The following TENM3 variants were observed in gnomAD, a reference collection of about 807,000 sequenced individuals.
The protein encoded by TENM3 is teneurin transmembrane protein 3, also known as teneurin-3.
TENM3 carries 63 observed loss-of-function variants against 255.1 expected under a neutral mutation model. The observed-to-expected ratio is 0.25, with a 90% CI of 0.20 to 0.30. The LOEUF (loss-of-function observed/expected upper bound fraction) is 0.30. TENM3 is among the 10% of genes least tolerant of loss of function. TENM3 has a pLI of 1.00. For missense variants in TENM3, 2,929 were observed against 3,461.1 expected (o/e 0.85, Z 3.86); for synonymous variants, 1,306 against 1,322.3 (o/e 0.99, Z 0.27).
the TENM3 span, among the ~76,000 whole-genome samples, chr4:181,860,229 C>G: frequency 6.6e-6 from 1 of 152,178 alleles, no homozygotes; most frequent in African/African-American, 2.4e-5. Flanking sequence ...AACTACAATG[C>G]ATTGTTTAAA....
At position 182,789,317 on chromosome 4, in the gene TENM3, T is replaced by C. The variant is rs1443069532; in HGVS notation, c.5529T>C (p.Tyr1843=). The change falls in exon 25 of 28, where the codon TAT becomes TAC. Residue 1843 remains tyrosine, a synonymous_variant. Transcript: ENST00000511685. The surrounding 1 kb of genome is among the most constrained non-coding windows in gnomAD (Gnocchi z 4.4). Reference sequence around the variant, plus strand: ...GCACCACTAGCGAGAAAGTAGATTATGACGGACAGGGGAGGATCGTGTCTC... The same window carrying C: ...GCACCACTAGCGAGAAAGTAGATTACGACGGACAGGGGAGGATCGTGTCTC... ...QRGTTSEKVD[Y]DGQGRIVSRV... is the part of the protein sequence containing the mutation. The C allele has an allele frequency of 6.2e-7, 1 of 1,613,812 alleles. No individual in the cohort carries two copies. Among genetic ancestry groups the C allele is most frequent in the Non-Finnish European group, 8.5e-7 (1 of 1,179,890 alleles).
intron 12 of TENM3, chr4:182,698,128 A>G (rs1195284904): frequency 1.2e-4 from 18 of 152,152 alleles, no homozygotes; most frequent in Admixed American, 1.2e-3. Flanking sequence ...TCAGTGTTCC[A>G]CAGCCTGTTG....
At chr4:182,472,772 A>G (rs953434090) in intron 3 of TENM3, among the ~76,000 whole-genome samples, 7 of 152,176 alleles carry the variant, frequency 4.6e-5, no homozygotes, top group South Asian at 2.1e-4. Context: ...CTGGAGTGCA[A>G]TGGCATGATC....
At chr4:182,509,699 A>G (rs1737184371) in intron 3 of TENM3, among the ~76,000 whole-genome samples, 1 of 152,180 alleles carries the variant, frequency 6.6e-6, no homozygotes, top group African/African-American at 2.4e-5. Flanking sequence ...GCACTTTGGG[A>G]GGCCAAGACA....
At chr4:182,716,056 C>A (rs1759135811) in intron 13 of TENM3, among the ~76,000 whole-genome samples, 1 of 152,206 alleles carries the variant, frequency 6.6e-6, no homozygotes, top group Admixed American at 6.5e-5. Context: ...GCTTTATAGA[C>A]ATGGCAGCAT....
chr4:182,783,917 C>A (rs914266781), intron 24 of TENM3, among the ~76,000 whole-genome samples: 7 of 152,148 alleles, frequency 4.6e-5, no homozygotes, highest in South Asian at 2.1e-4. Context: ...CAGCTCCTTT[C>A]AGCACTTCTC....
chr4:181,469,394 A>G, the TENM3 span, among the ~76,000 whole-genome samples: 1 of 152,228 alleles, frequency 6.6e-6, no homozygotes, highest in Non-Finnish European at 1.5e-5. Flanking sequence ...ATTAAGAAAC[A>G]ATGTTTTTAC....
At chr4:182,109,412 GA>G in the TENM3 span, among the ~76,000 whole-genome samples, 2 of 151,504 alleles carry the variant, frequency 1.3e-5, no homozygotes, top group East Asian at 3.9e-4. Context: ...TGGAGATGTG[GA>G]AAATGTAGAC....
chr4:182,187,545 C>T (rs958197970), intron 1 of TENM3, among the ~76,000 whole-genome samples: 9 of 152,076 alleles, frequency 5.9e-5, no homozygotes, highest in Non-Finnish European at 8.8e-5. Flanking sequence ...TGCCCCCCTC[C>T]CACCCGCTTT....
chr4:181,630,315 G>T, the TENM3 span, among the ~76,000 whole-genome samples: 2 of 150,186 alleles, frequency 1.3e-5, no homozygotes, highest in Admixed American at 1.3e-4. Flanking sequence ...TTTTTTGAAG[G>T]GTTTTTTTGT....
intron 3 of TENM3, among the ~76,000 whole-genome samples, chr4:182,451,219 T>A (rs967240983): frequency 6.6e-6 from 1 of 152,204 alleles, no homozygotes; most frequent in Non-Finnish European, 1.5e-5. Flanking sequence ...AAAATCATAC[T>A]AAATTTTGGC....
chr4:182,411,877 C>A (rs965551024), intron 3 of TENM3, among the ~76,000 whole-genome samples: 12 of 152,086 alleles, frequency 7.9e-5, no homozygotes, highest in Admixed American at 2.6e-4. Flanking sequence ...TAAAAAGGGA[C>A]AAATTTTAAA....
chr4:182,506,731 G>C (rs1736853632), intron 3 of TENM3, among the ~76,000 whole-genome samples: 1 of 152,188 alleles, frequency 6.6e-6, no homozygotes, highest in Non-Finnish European at 1.5e-5. Context: ...TAAAGTGAAA[G>C]AATGATCAGG....
chr4:181,825,131 G>A, the TENM3 span, among the ~76,000 whole-genome samples: 7 of 152,218 alleles, frequency 4.6e-5, no homozygotes, highest in East Asian at 1.2e-3. Flanking sequence ...GGCTGGACGC[G>A]GTGGCTCACG....
At chr4:181,531,815 G>A in the TENM3 span, among the ~76,000 whole-genome samples, 1 of 152,218 alleles carries the variant, frequency 6.6e-6, no homozygotes, top group African/African-American at 2.4e-5. Flanking sequence ...CTGAGGCACT[G>A]CTGCTTAAGC....
chr4:182,521,526 C>G (rs1738570784), intron 3 of TENM3, among the ~76,000 whole-genome samples: 2 of 152,160 alleles, frequency 1.3e-5, no homozygotes, highest in South Asian at 4.2e-4. Context: ...GCTGCAATCT[C>G]CAGCAGGGAG....
chr4:182,041,612 C>G, the TENM3 span, among the ~76,000 whole-genome samples: 2 of 152,082 alleles, frequency 1.3e-5, no homozygotes, highest in Non-Finnish European at 2.9e-5. Context: ...TTCATATAAA[C>G]CATCTTATCA....
chr4:182,736,925 T>C lies in TENM3; in HGVS notation c.3085T>C (p.Phe1029Leu). The C allele has an allele frequency of 1.2e-6, 2 of 1,613,894 alleles. No homozygotes were observed. The highest frequency in any genetic ancestry group is 1.7e-6 in the Non-Finnish European group (2 of 1,179,830). The change falls in exon 17 of 28, where the codon TTT becomes CTT. Residue 1029 changes from phenylalanine to leucine, a missense_variant. By Grantham distance (22) the Phe-to-Leu change is conservative. Transcript: ENST00000511685. ...CACCATGACCCAGTCTATTATTCCA[T>C]TTAATTTAATGAAGGTTCATCTTAT... ...KITMTQSIIP[F>L]NLMKVHLMVA...
intron 3 of TENM3, among the ~76,000 whole-genome samples, chr4:182,478,618 A>C (rs1004097869): frequency 1.3e-5 from 2 of 151,994 alleles, no homozygotes; most frequent in African/African-American, 4.8e-5. Context: ...GGCAGTAAAA[A>C]AATTTATATG....
Sources: gnomAD v4.1 joint callset for allele counts (sites outside exome capture counted in the v4.1 genomes callset) on GRCh38, gnomAD v4.1.1 for gene constraint, Gnocchi (gnomAD v3.1) non-coding constraint, MANE v1.5 for transcripts, NCBI Gene and HGNC (gene_info 2026-07-23, HGNC 2026-07-21) for gene names.